RAB3GAP1: variants seen among roughly 807,000 people sequenced by gnomAD.
RAB3GAP1 encodes rab3 GTPase-activating protein catalytic subunit.
RAB3GAP1 carries 86 observed loss-of-function variants against 130.7 expected under a neutral mutation model. The observed-to-expected ratio is 0.66, with a 90% CI of 0.55 to 0.79. The LOEUF (loss-of-function observed/expected upper bound fraction) is 0.79, where lower values mean the gene tolerates loss of function less well. Among genes scored for constraint, RAB3GAP1 ranks in the 30% least tolerant of loss-of-function variants. RAB3GAP1 has a pLI of 0.00. For synonymous variants in RAB3GAP1, 367 were observed against 401.7 expected, an observed-to-expected ratio of 0.91 and a Z score of 1.03; for missense variants, 1,029 against 1,169.4, an observed-to-expected ratio of 0.88 and a Z score of 1.75.
intron 4 of RAB3GAP1, among the ~76,000 whole-genome samples, chr2:135,092,590 C>G (rs758602404): frequency 4.6e-5 from 7 of 152,162 alleles, no homozygotes; most frequent in Non-Finnish European, 1.0e-4. Context: ...GCACCAATCA[C>G]CATACCCAGT....
intron 18 of RAB3GAP1, 38 bp downstream of exon 18, chr2:135,150,544 G>C (rs764418599): frequency 6.2e-7 from 1 of 1,612,566 alleles, no homozygotes; most frequent in Admixed American, 1.7e-5. Flanking sequence ...TCTATTTTGA[G>C]CTATTCTGGG....
At chr2:135,092,247 C>T (rs1690163913) in intron 4 of RAB3GAP1, among the ~76,000 whole-genome samples, 1 of 152,052 alleles carries the variant, frequency 6.6e-6, no homozygotes. Flanking sequence ...CATAATAGCC[C>T]AGCAATTTTC....
rs1425891423 is a variant in RAB3GAP1 at position 135,121,003 on chromosome 2, G to T, written c.748+85G>T. 1.6e-5 allele frequency: 16 copies of T among 975,922 alleles called. No homozygotes were observed. In the East Asian group the frequency reaches 3.9e-4, roughly 24 times the overall value. 60.5% of individuals were successfully genotyped at this position (975,922 alleles called of 1,614,324 possible). On this transcript the variant is annotated intron_variant, in intron 8 of 23. Coordinates refer to ENST00000264158, the MANE Select transcript of RAB3GAP1 (RefSeq NM_012233.3). ...CAGAAATTAAAATTACTTAACAAGA[G>T]TTTCAAGTGTTTTACATTAGAAATA...
intron 4 of RAB3GAP1, among the ~76,000 whole-genome samples, chr2:135,091,889 C>A (rs1020131872): frequency 3.9e-5 from 6 of 152,282 alleles, no homozygotes; most frequent in Non-Finnish European, 8.8e-5. Context: ...AACTTTGGAG[C>A]TGCCAGTCAA....
chr2:135,171,629 A>G (rs1379703126), downstream of RAB3GAP1, among the ~76,000 whole-genome samples: 1 of 152,172 alleles, frequency 6.6e-6, no homozygotes, highest in Non-Finnish European at 1.5e-5. Context: ...ATTTATGTTT[A>G]TATTTCATTC....
chr2:135,174,936 G>A (rs1308214679), downstream of RAB3GAP1, among the ~76,000 whole-genome samples: 1 of 152,192 alleles, frequency 6.6e-6, no homozygotes, highest in Non-Finnish European at 1.5e-5. Context: ...GCCCTATCCT[G>A]CCCTGTCCCA....
At chr2:135,105,243 C>T (rs1442765359) in intron 5 of RAB3GAP1, among the ~76,000 whole-genome samples, 1 of 126,940 alleles carries the variant, frequency 7.9e-6, no homozygotes, top group South Asian at 3.3e-4. Context: ...CTCCCCCCTT[C>T]CCCCTCCCCC....
rs148940758 is a variant in RAB3GAP1 at position 135,057,304 on chromosome 2, G to A, written c.75-707G>A. On this transcript the variant is annotated intron_variant, in intron 2 of 23. Transcript: ENST00000264158. ...TATTTTCTTTTTTTGTTGGGGGCTG[G>A]GGGGGTAAATCGGAATTCCTAATAT... is the stretch of plus-strand genomic sequence containing the variant. 1.1e-4 allele frequency among the ~76,000 whole-genome samples: 17 copies of A among 152,178 alleles called. No individual in the cohort carries two copies. In the East Asian group the frequency reaches 3.1e-3, roughly 28 times the overall value.
At chr2:135,164,761 T>C in intron 23 of RAB3GAP1, 65 bp downstream of exon 23, 4 of 1,319,586 alleles carry the variant, frequency 3.0e-6, no homozygotes, top group South Asian at 1.3e-5. Flanking sequence ...AAGAGGCTGT[T>C]TTAGTTCCCA....
At chr2:135,163,222 C>T (rs945432250) in intron 22 of RAB3GAP1, 121 bp downstream of exon 22, 2 of 755,454 alleles carry the variant, frequency 2.6e-6, no homozygotes, top group African/African-American at 1.7e-5. Flanking sequence ...TTGAAACAAG[C>T]ATTGTCTAGA....
intron 11 of RAB3GAP1, among the ~76,000 whole-genome samples, chr2:135,126,881 T>A (rs545375425): frequency 2.6e-5 from 4 of 152,288 alleles, no homozygotes; most frequent in East Asian, 1.9e-4. Flanking sequence ...ATTTACTTTT[T>A]TTTATTTATT....
chr2:135,092,880 C>T (rs910727346), intron 4 of RAB3GAP1, among the ~76,000 whole-genome samples: 1 of 152,132 alleles, frequency 6.6e-6, no homozygotes, highest in African/African-American at 2.4e-5. Context: ...TTTACAGATA[C>T]GCGTTTAAAA....
At chr2:135,103,035 A>ATTTTTTT (rs539310402) in intron 5 of RAB3GAP1, among the ~76,000 whole-genome samples, 3,078 of 90,800 alleles carry the variant, frequency 0.034, 377 homozygotes, top group East Asian at 0.12. Flanking sequence ...CATTTTTGTG[A>ATTTTTTT]TTTTTTTTTT....
intron 23 of RAB3GAP1, among the ~76,000 whole-genome samples, chr2:135,167,242 A>AT (rs1230594643): frequency 6.6e-5 from 10 of 152,324 alleles, no homozygotes; most frequent in Non-Finnish European, 1.2e-4. Flanking sequence ...CCTTATCATG[A>AT]TTATAGGTAT....
intron 19 of RAB3GAP1, among the ~76,000 whole-genome samples, chr2:135,156,775 G>A (rs1692326232): frequency 6.6e-6 from 1 of 152,158 alleles, no homozygotes. Flanking sequence ...GCAGGTATTA[G>A]CTAGTGTAAT....
At chr2:135,062,921 ATTGT>A (rs1475566656) in intron 3 of RAB3GAP1, among the ~76,000 whole-genome samples, 2 of 152,222 alleles carry the variant, frequency 1.3e-5, no homozygotes, top group African/African-American at 4.8e-5. Context: ...TGATCATTTA[ATTGT>A]TCTGCATTTT....
intron 3 of RAB3GAP1, among the ~76,000 whole-genome samples, chr2:135,061,673 GT>G (rs938949883): frequency 6.6e-6 from 1 of 150,592 alleles, no homozygotes; most frequent in Non-Finnish European, 1.5e-5. Context: ...AGTTCTTTTA[GT>G]TTTTTTTTGG....
At chr2:135,161,877 C>T (rs1457103047) in intron 19 of RAB3GAP1, among the ~76,000 whole-genome samples, 1 of 152,056 alleles carries the variant, frequency 6.6e-6, no homozygotes, top group Admixed American at 6.6e-5. Context: ...TTCTGCATCA[C>T]CTGTATTTTT....
rs1158150415 is a variant in RAB3GAP1, at chr2:135,099,463, G to GTATGTA, written c.362+5771_362+5772insATGTAT. On this transcript the variant is annotated intron_variant, in intron 5 of 23. Transcript: ENST00000264158. ...TGTGTGTGTGTGTGTGTGTGTGTGT[G>GTATGTA]TGTATGTATGTGTATTGCTGTATTT... Among the ~76,000 whole-genome samples, 23 of 149,390 alleles carry GTATGTA rather than the reference G, an allele frequency of 1.5e-4. No homozygotes were observed. In the East Asian group the frequency reaches 4.5e-3, roughly 29 times the overall value.
Sources: gnomAD v4.1 joint callset for allele counts (sites outside exome capture counted in the v4.1 genomes callset) on GRCh38, gnomAD v4.1.1 for gene constraint, MANE v1.5 for transcripts, NCBI Gene and HGNC (gene_info 2026-07-23, HGNC 2026-07-21) for gene names.